Variants in LPGAT1 observed in about 807,000 individuals in gnomAD.
LPGAT1 encodes lysophosphatidylglycerol acyltransferase 1.
LPGAT1 carries 11 observed loss-of-function variants against 47.5 expected under a neutral mutation model. The observed-to-expected ratio is 0.23, with a 90% CI of 0.15 to 0.38. The LOEUF (loss-of-function observed/expected upper bound fraction) is 0.38, where lower values mean the gene tolerates loss of function less well. Ranked by LOEUF, LPGAT1 falls within the 10% of genes least tolerant of loss-of-function variation. The pLI, the probability that LPGAT1 is intolerant of heterozygous loss-of-function variation, is 1.00. For missense variants in LPGAT1, 293 were observed against 439.0 expected, an observed-to-expected ratio of 0.67 and a Z score of 2.97; for synonymous variants, 138 against 144.2, an observed-to-expected ratio of 0.96 and a Z score of 0.31.
At chr1:211,815,139 C>T (rs1358262174) in intron 2 of LPGAT1, among the ~76,000 whole-genome samples, 1 of 152,182 alleles carries the variant, frequency 6.6e-6, no homozygotes, top group African/African-American at 2.4e-5. Flanking sequence ...GATAATTTGC[C>T]GATTTCTCTT....
At chr1:211,793,766 C>T (rs139345763) in intron 2 of LPGAT1, among the ~76,000 whole-genome samples, 30 of 152,166 alleles carry the variant, frequency 2.0e-4, no homozygotes, top group African/African-American at 7.0e-4. Context: ...GTTCTATTTC[C>T]TAGAATTTAT....
intron 2 of LPGAT1, among the ~76,000 whole-genome samples, chr1:211,794,634 G>C (rs1443219486): frequency 6.6e-6 from 1 of 152,104 alleles, no homozygotes; most frequent in Non-Finnish European, 1.5e-5. Context: ...TTTATGTCAA[G>C]CCTCAGTTTT....
intron 2 of LPGAT1, among the ~76,000 whole-genome samples, chr1:211,807,077 C>A (rs2102580371): frequency 1.3e-5 from 2 of 152,098 alleles, no homozygotes; most frequent in East Asian, 3.9e-4. Context: ...AGCAAAGTTG[C>A]AGGATACAAA....
chr1:211,817,528 A>G (rs7553567), intron 2 of LPGAT1, among the ~76,000 whole-genome samples: 147,310 of 151,042 alleles, frequency 0.98, 71,849 homozygotes, highest in East Asian at 1. Flanking sequence ...CCGAGATCGC[A>G]CCACTGCACT....
At chr1:211,829,588 A>G (rs1660654609) in intron 1 of LPGAT1, 1 of 1,255,236 alleles carries the variant, frequency 8.0e-7, no homozygotes, top group Non-Finnish European at 1.0e-6. Flanking sequence ...ATTCCCATTC[A>G]GTAATCGGTG....
chr1:211,814,673 C>T (rs775513547), intron 2 of LPGAT1, among the ~76,000 whole-genome samples: 5 of 152,134 alleles, frequency 3.3e-5, no homozygotes, highest in Non-Finnish European at 7.3e-5. Flanking sequence ...GACTTTTCCA[C>T]CTTAAAAAAT....
In LPGAT1 at chr1:211,830,175, G is replaced by A; in HGVS notation, c.-28+398C>T. ...TGGCGGCGGGCGCGGCCCGCGCGCC[G>A]GGCTCACCTCGGCGGGCGCGGACGG... On this transcript the variant is annotated intron_variant, in intron 1 of 7. Coordinates refer to ENST00000366997, the MANE Select transcript of LPGAT1 (RefSeq NM_014873.3). This position sits in a 1 kb window ranked among gnomAD's most constrained non-coding sequence, Gnocchi z 5.9. 1.0e-6 allele frequency: 1 copy of A among 982,920 alleles called. No individual in the cohort carries two copies. Among genetic ancestry groups the A allele is most frequent in the Non-Finnish European group, 1.2e-6 (1 of 829,098 alleles). 60.9% of individuals were successfully genotyped at this position (982,920 alleles called of 1,614,324 possible).
chr1:211,789,765 G>C (rs1385181783), intron 3 of LPGAT1, among the ~76,000 whole-genome samples: 4 of 151,242 alleles, frequency 2.6e-5, no homozygotes, highest in African/African-American at 9.7e-5. Flanking sequence ...AGCTACTCAG[G>C]AGAACTGAGG....
Position 211,775,901 on chromosome 1 carries a change from A to T in LPGAT1, c.854+3017T>A, listed in dbSNP as rs141484090. ...AGTCGAGATCACACCATTGCACTCC[A>T]GCCTGGGCAACAAGAGCAAAATGCC... is the stretch of plus-strand genomic sequence containing the variant. On this transcript the variant is annotated intron_variant, in intron 6 of 7. Coordinates refer to ENST00000366997, the MANE Select transcript of LPGAT1 (RefSeq NM_014873.3). 2.9e-3 allele frequency among the ~76,000 whole-genome samples: 438 copies of T among 149,740 alleles called. 3 individuals are homozygous for T. The highest frequency in any genetic ancestry group is 0.01 in the African/African-American group (424 of 40,924).
At chr1:211,799,759 G>A (rs1479726759) in intron 2 of LPGAT1, among the ~76,000 whole-genome samples, 1 of 152,070 alleles carries the variant, frequency 6.6e-6, no homozygotes, top group African/African-American at 2.4e-5. Context: ...TAAAGGGGCA[G>A]GTATCTAAGA....
At position 211,800,553 on chromosome 1, in the gene LPGAT1, T is replaced by C. The variant is rs559104525; in HGVS notation, c.239-7363A>G. Reference sequence around the variant, plus strand: ...GAATTAACTTTCACTGTCATTAAGATTTAGTTTAAGTTAAACTTGTACTGT... The same window carrying C: ...GAATTAACTTTCACTGTCATTAAGACTTAGTTTAAGTTAAACTTGTACTGT... On this transcript the variant is annotated intron_variant, in intron 2 of 7. Transcript: ENST00000366997. 5.9e-5 allele frequency among the ~76,000 whole-genome samples: 9 copies of C among 152,328 alleles called. No individual in the cohort carries two copies. The South Asian group carries it at 1.4e-3, about 25-fold the overall frequency.
intron 6 of LPGAT1, among the ~76,000 whole-genome samples, chr1:211,756,224 A>C (rs1657443602): frequency 6.6e-6 from 1 of 152,338 alleles, no homozygotes; most frequent in South Asian, 2.1e-4. Flanking sequence ...CAACAGAGGG[A>C]GACTCCGTCT....
At chr1:211,753,242 TC>T (rs1657279693) in intron 6 of LPGAT1, among the ~76,000 whole-genome samples, 1 of 152,222 alleles carries the variant, frequency 6.6e-6, no homozygotes, top group Non-Finnish European at 1.5e-5. Flanking sequence ...GATGAGGACA[TC>T]CTTTAGCAGT....
Position 211,765,562 on chromosome 1 carries a change from A to G in LPGAT1, c.854+13356T>C, listed in dbSNP as rs543396958. Among the ~76,000 whole-genome samples the G allele has an allele frequency of 2.6e-5, 4 of 152,348 alleles. No individual in the cohort carries two copies. The South Asian group carries it at 8.3e-4, about 32-fold the overall frequency. On this transcript the variant is annotated intron_variant, in intron 6 of 7. Transcript: ENST00000366997. ...AATAAGAGGTATTTTTGGAATAACA[A>G]TGGCACTTTGCTAGACCTTAAGAAG...
chr1:211,764,058 G>A (rs2102506561), intron 6 of LPGAT1, among the ~76,000 whole-genome samples: 1 of 152,214 alleles, frequency 6.6e-6, no homozygotes, highest in South Asian at 2.1e-4. Flanking sequence ...TGTAATCCCA[G>A]CTATGTGGGA....
At chr1:211,824,429 C>T (rs1292798483) in intron 2 of LPGAT1, among the ~76,000 whole-genome samples, 1 of 152,126 alleles carries the variant, frequency 6.6e-6, no homozygotes, top group Non-Finnish European at 1.5e-5. Context: ...AAGAACTAGA[C>T]ACTTACTGAG....
intron 3 of LPGAT1, 81 bp downstream of exon 3, chr1:211,792,991 T>C: frequency 1.1e-6 from 1 of 909,516 alleles, no homozygotes; most frequent in Non-Finnish European, 1.7e-6. Flanking sequence ...ATTACAGACA[T>C]GAGCCACCAT....
At chr1:211,806,838 A>G (rs540924977) in intron 2 of LPGAT1, among the ~76,000 whole-genome samples, 1 of 152,294 alleles carries the variant, frequency 6.6e-6, no homozygotes, top group South Asian at 2.1e-4. Context: ...CAACAAACAT[A>G]GTATTTAGTA....
chr1:211,760,355 T>C (rs6664386), intron 6 of LPGAT1, among the ~76,000 whole-genome samples: 148,492 of 152,282 alleles, frequency 0.98, 72,412 homozygotes, highest in East Asian at 1. Flanking sequence ...CTCGGGAGGC[T>C]GAGGCAGGAG....
Sources: gnomAD v4.1 joint callset for allele counts (sites outside exome capture counted in the v4.1 genomes callset) on GRCh38, gnomAD v4.1.1 for gene constraint, Gnocchi (gnomAD v3.1) non-coding constraint, MANE v1.5 for transcripts, NCBI Gene and HGNC (gene_info 2026-07-23, HGNC 2026-07-21) for gene names.